PTPRN2: variants seen among roughly 807,000 people sequenced by gnomAD.
The protein encoded by PTPRN2 is protein tyrosine phosphatase receptor type N2, also known as receptor-type tyrosine-protein phosphatase N2.
Under a neutral mutation model 118.8 loss-of-function variants are expected in PTPRN2, and 74 were observed. That is an observed-to-expected ratio of 0.62 (90% CI 0.52 to 0.76). PTPRN2 has a LOEUF of 0.76. PTPRN2 is among the 30% of genes least tolerant of loss of function. The pLI, the probability that PTPRN2 is intolerant of heterozygous loss-of-function variation, is 0.00. For synonymous variants in PTPRN2, 641 were observed against 608.0 expected, an observed-to-expected ratio of 1.05 and a Z score of -0.80; for missense variants, 1,481 against 1,394.4, an observed-to-expected ratio of 1.06 and a Z score of -0.99.
At chr7:158,011,186 C>A (rs1248639565) in intron 11 of PTPRN2, among the ~76,000 whole-genome samples, 1 of 152,214 alleles carries the variant, frequency 6.6e-6, no homozygotes, top group Non-Finnish European at 1.5e-5. Context: ...TACGTCATTG[C>A]TAAAGACATC....
At chr7:157,708,279 T>C (rs923073648) in intron 12 of PTPRN2, among the ~76,000 whole-genome samples, 3 of 152,220 alleles carry the variant, frequency 2.0e-5, no homozygotes, top group African/African-American at 7.2e-5. Flanking sequence ...GCCAGTTCCC[T>C]CCTGCTTCCA....
chr7:157,798,718 T>A (rs1402664082), intron 12 of PTPRN2, among the ~76,000 whole-genome samples: 1 of 152,152 alleles, frequency 6.6e-6, no homozygotes, highest in Non-Finnish European at 1.5e-5. Context: ...TAATTACCTC[T>A]TTTTTGCCTA....
At chr7:157,952,126 C>T (rs1800851503) in intron 11 of PTPRN2, among the ~76,000 whole-genome samples, 1 of 152,206 alleles carries the variant, frequency 6.6e-6, no homozygotes, top group African/African-American at 2.4e-5. Context: ...AGAAAAGAGT[C>T]AAGGCTGCAC....
intron 12 of PTPRN2, among the ~76,000 whole-genome samples, chr7:157,860,641 C>G (rs956024110): frequency 6.6e-6 from 1 of 152,246 alleles, no homozygotes; most frequent in Admixed American, 6.5e-5. Context: ...TTTAACGATG[C>G]CTTTTAATAT....
At chr7:158,560,818 A>G (rs892131400) in intron 1 of PTPRN2, among the ~76,000 whole-genome samples, 1 of 152,288 alleles carries the variant, frequency 6.6e-6, no homozygotes, top group African/African-American at 2.4e-5. Context: ...GAACAGCTTT[A>G]AAAGAAGGCA....
At chr7:157,851,625 G>T (rs1418522335) in intron 12 of PTPRN2, among the ~76,000 whole-genome samples, 1 of 152,228 alleles carries the variant, frequency 6.6e-6, no homozygotes, top group African/African-American at 2.4e-5. Context: ...GGCACCTTGT[G>T]TCCCTGCTCT....
chr7:158,196,543 A>G (rs1826225642), intron 4 of PTPRN2, among the ~76,000 whole-genome samples: 1 of 150,862 alleles, frequency 6.6e-6, no homozygotes, highest in Admixed American at 6.6e-5. Flanking sequence ...ACTGAGTCCA[A>G]CCTCTCCTCG....
chr7:157,552,938 T>C (rs959776753), intron 21 of PTPRN2, among the ~76,000 whole-genome samples: 53 of 152,174 alleles, frequency 3.5e-4, no homozygotes, highest in African/African-American at 1.2e-3. Context: ...CAAAACACAT[T>C]TGATGCTCAG....
At position 158,489,752 on chromosome 7, in the gene PTPRN2, GAC is replaced by G. The variant is rs769498888; in HGVS notation, c.144_145del (p.Ser49ArgfsTer50). 1.9e-6 allele frequency: 3 copies of G among 1,583,946 alleles called. No individual in the cohort carries two copies. In the Admixed American group the frequency reaches 5.3e-5, roughly 28 times the overall value. On this transcript the variant is annotated frameshift_variant, in exon 2 of 23. Coordinates refer to ENST00000389418, the MANE Select transcript of PTPRN2 (RefSeq NM_002847.5). LOFTEE classifies it high-confidence loss of function. ...ACACTCACCGTTCACACAGGCCTCG[GAC>G]GCTCCGCAGAGGCCCTCCTCGAGCA...
intron 12 of PTPRN2, among the ~76,000 whole-genome samples, chr7:157,793,088 G>T (rs113289385): frequency 6.6e-6 from 1 of 151,978 alleles, no homozygotes; most frequent in African/African-American, 2.4e-5. Flanking sequence ...CGCTGTGCCC[G>T]GGGAGAGGAA....
At chr7:157,673,355 C>CT (rs1796504305) in intron 13 of PTPRN2, among the ~76,000 whole-genome samples, 1 of 152,164 alleles carries the variant, frequency 6.6e-6, no homozygotes, top group Non-Finnish European at 1.5e-5. Flanking sequence ...GTAATTCTCC[C>CT]AAAGCAGAAA....
intron 11 of PTPRN2, among the ~76,000 whole-genome samples, chr7:158,040,000 C>T (rs1269364774): frequency 1.3e-5 from 2 of 150,810 alleles, no homozygotes; most frequent in Non-Finnish European, 2.9e-5. Context: ...GTAGAGCAGA[C>T]ATAGCTGAGG....
chr7:158,294,880 G>T (rs1193194353), intron 3 of PTPRN2, among the ~76,000 whole-genome samples: 67 of 127,702 alleles, frequency 5.2e-4, no homozygotes, highest in African/African-American at 1.9e-3. Context: ...AAGCCCATGG[G>T]GCCCGCTGAC....
chr7:158,041,044 A>G (rs1411188104), intron 11 of PTPRN2, among the ~76,000 whole-genome samples: 5 of 152,280 alleles, frequency 3.3e-5, no homozygotes, highest in East Asian at 1.9e-4. Flanking sequence ...CTGCTTTTCA[A>G]GTAGTGTTAA....
intron 12 of PTPRN2, among the ~76,000 whole-genome samples, chr7:157,859,848 A>G (rs1810080243): frequency 1.0e-5 from 1 of 99,032 alleles, no homozygotes; most frequent in African/African-American, 4.1e-5. Flanking sequence ...GGAGAGCCCC[A>G]GCTACTGTAC....
intron 2 of PTPRN2, among the ~76,000 whole-genome samples, chr7:158,373,527 G>A (rs1810266178): frequency 6.6e-6 from 1 of 152,174 alleles, no homozygotes; most frequent in African/African-American, 2.4e-5. Context: ...GTTACTAAGG[G>A]TTCCTTTGCT....
chr7:157,582,634 G>T (rs1800455806), intron 17 of PTPRN2, among the ~76,000 whole-genome samples: 1 of 152,126 alleles, frequency 6.6e-6, no homozygotes, highest in Non-Finnish European at 1.5e-5. Context: ...CCAGCACTTT[G>T]GGAGGCCGAG....
At chr7:158,140,701 C>T (rs751353872) in intron 6 of PTPRN2, among the ~76,000 whole-genome samples, 4 of 152,200 alleles carry the variant, frequency 2.6e-5, no homozygotes, top group Admixed American at 6.5e-5. Context: ...GAGGAAGCGT[C>T]GGGTGTGAGG....
chr7:158,220,966 A>T (rs1288332194), intron 3 of PTPRN2, among the ~76,000 whole-genome samples: 1 of 152,186 alleles, frequency 6.6e-6, no homozygotes, highest in Non-Finnish European at 1.5e-5. Context: ...ACTTCAAAAT[A>T]TACTATAAGG....
Sources: allele counts gnomAD v4.1 joint callset (sites outside exome capture counted in the v4.1 genomes callset), GRCh38; gene constraint gnomAD v4.1.1; transcripts MANE v1.5; gene names NCBI Gene and HGNC (gene_info 2026-07-23, HGNC 2026-07-21).